Variants in ANO10 observed in about 807,000 individuals in gnomAD.
ANO10 encodes anoctamin 10.
In ANO10, 77 loss-of-function variants were observed where a neutral mutation model predicts 74.7. The observed-to-expected ratio is 1.03, with a 90% confidence interval of 0.86 to 1.25. The LOEUF (loss-of-function observed/expected upper bound fraction) is 1.25, where lower values mean the gene tolerates loss of function less well. Among genes scored for constraint, ANO10 ranks in the 50% most tolerant of loss-of-function variants. The pLI, the probability that ANO10 is intolerant of heterozygous loss-of-function variation, is 0.00. For missense variants in ANO10, 721 were observed against 778.1 expected (o/e 0.93, Z 0.87); for synonymous variants, 279 against 284.9 (o/e 0.98, Z 0.21).
intron 11 of ANO10, among the ~76,000 whole-genome samples, chr3:43,440,519 G>GT (rs35838710): frequency 0.021 from 3,225 of 152,198 alleles, 51 homozygotes; most frequent in Non-Finnish European, 0.033. Flanking sequence ...AATTATAATT[G>GT]TATATGCATC....
At position 43,366,623 on chromosome 3, in the gene ANO10, C is replaced by A; in HGVS notation, c.*283G>T. 1.9e-6 allele frequency: 1 copy of A among 520,816 alleles called. No homozygotes were observed. Among genetic ancestry groups the A allele is most frequent in the Non-Finnish European group, 3.5e-6 (1 of 286,822 alleles). The allele number at this position is 520,816 out of a possible 1,614,324, so 32.3% of individuals were successfully genotyped here. ...CTCATGGTGAGAGGCTCAAGGGCGGCAGTGGCTCTGCAGCAAAGTTGGCAG... is the reference window on the plus strand; with the variant it reads ...CTCATGGTGAGAGGCTCAAGGGCGGAAGTGGCTCTGCAGCAAAGTTGGCAG... On this transcript the variant is annotated 3_prime_UTR_variant, in exon 13 of 13. Transcript: ENST00000292246.
chr3:43,421,860 G>A (rs1202980015), intron 12 of ANO10, among the ~76,000 whole-genome samples: 1 of 151,642 alleles, frequency 6.6e-6, no homozygotes. Context: ...TTTTTTTATT[G>A]TGGTAAAATA....
At chr3:43,469,609 T>C (rs1011671180) in intron 11 of ANO10, among the ~76,000 whole-genome samples, 3 of 152,170 alleles carry the variant, frequency 2.0e-5, no homozygotes, top group Non-Finnish European at 2.9e-5. Context: ...AAACAAGAGA[T>C]GCATGGTGGT....
chr3:43,674,387 T>C (rs1334958581), intron 1 of ANO10, among the ~76,000 whole-genome samples: 1 of 152,092 alleles, frequency 6.6e-6, no homozygotes, highest in Non-Finnish European at 1.5e-5. Context: ...TAGCCTCAAG[T>C]ATTCTTCCTG....
rs371985258 is a variant in ANO10, at chr3:43,469,038, C to CTTTTTTTTTTT, written c.1798-36322_1798-36312dup. 4.3e-5 allele frequency among the ~76,000 whole-genome samples: 3 copies of CTTTTTTTTTTT among 70,338 alleles called. 1 individual carries two copies. Among genetic ancestry groups the CTTTTTTTTTTT allele is most frequent in the Admixed American group, 4.8e-4 (2 of 4,194 alleles). 46.1% of individuals were successfully genotyped at this position (70,338 alleles called of 152,430 possible). ...TTTTCAATCCTACATCAATTAGCTG[C>CTTTTTTTTTTT]TTTTTTTTTTTTTTTTTTTTTTGAG... On this transcript the variant is annotated intron_variant, in intron 11 of 12. Transcript: ENST00000292246.
intron 11 of ANO10, among the ~76,000 whole-genome samples, chr3:43,433,199 G>A (rs1290428355): frequency 6.6e-6 from 1 of 151,748 alleles, no homozygotes; most frequent in Non-Finnish European, 1.5e-5. Context: ...CACCCACCTT[G>A]GCCTCCCAAA....
intron 1 of ANO10, among the ~76,000 whole-genome samples, chr3:43,615,450 G>T (rs1246914281): frequency 1.3e-5 from 2 of 151,818 alleles, no homozygotes. Flanking sequence ...TTCTTCCTAG[G>T]TAGTAGCATT....
intron 1 of ANO10, among the ~76,000 whole-genome samples, chr3:43,612,180 A>ATC (rs2082865482): frequency 8.0e-6 from 1 of 124,566 alleles, no homozygotes; most frequent in East Asian, 2.4e-4. Flanking sequence ...ATATATATAT[A>ATC]TATATGCCCA....
intron 7 of ANO10, among the ~76,000 whole-genome samples, chr3:43,567,037 C>T (rs1311979310): frequency 6.6e-6 from 1 of 152,076 alleles, no homozygotes; most frequent in Non-Finnish European, 1.5e-5. Flanking sequence ...GTGAAGAATG[C>T]AGAAGCCTCA....
At chr3:43,620,183 A>T (rs2083315108) in intron 1 of ANO10, among the ~76,000 whole-genome samples, 1 of 152,152 alleles carries the variant, frequency 6.6e-6, no homozygotes, top group Non-Finnish European at 1.5e-5. Context: ...TCTAATATTT[A>T]AAAAAAGAAT....
At chr3:43,485,423 C>G (rs968614237) in intron 11 of ANO10, among the ~76,000 whole-genome samples, 1 of 152,164 alleles carries the variant, frequency 6.6e-6, no homozygotes, top group Non-Finnish European at 1.5e-5. Flanking sequence ...TGTCCTAATC[C>G]AGCTCAACAC....
chr3:43,625,777 G>A (rs188189730), upstream of ANO10, among the ~76,000 whole-genome samples: 71 of 152,064 alleles, frequency 4.7e-4, no homozygotes, highest in Non-Finnish European at 8.2e-4. Context: ...AGTTTGTCAC[G>A]TCCTTTGATT....
At chr3:43,606,623 G>A (rs1292588633) in intron 1 of ANO10, among the ~76,000 whole-genome samples, 1 of 151,008 alleles carries the variant, frequency 6.6e-6, no homozygotes, top group Non-Finnish European at 1.5e-5. Context: ...TATAGAAGCA[G>A]ACAACTGGAC....
At chr3:43,471,132 A>G (rs982842334) in intron 11 of ANO10, among the ~76,000 whole-genome samples, 1 of 152,172 alleles carries the variant, frequency 6.6e-6, no homozygotes, top group Non-Finnish European at 1.5e-5. Flanking sequence ...CTTACATAAC[A>G]CTGCTGTGGT....
chr3:43,650,411 C>T (rs1484358355), intron 1 of ANO10, among the ~76,000 whole-genome samples: 1 of 151,950 alleles, frequency 6.6e-6, no homozygotes, highest in East Asian at 1.9e-4. Context: ...AGTTACTGAG[C>T]AAAATGATCA....
At chr3:43,606,061 C>T (rs1005048006) in intron 1 of ANO10, among the ~76,000 whole-genome samples, 198 bp from the exon 2 acceptor site, 7 of 152,148 alleles carry the variant, frequency 4.6e-5, no homozygotes, top group Non-Finnish European at 7.3e-5. Flanking sequence ...TTGGAAAGAA[C>T]GCCATCCTTT....
intron 11 of ANO10, among the ~76,000 whole-genome samples, chr3:43,530,726 T>C (rs2078428628): frequency 6.6e-6 from 1 of 152,206 alleles, no homozygotes; most frequent in Non-Finnish European, 1.5e-5. Context: ...TTGTTGTTAA[T>C]ATCTTACTGT....
At chr3:43,400,082 G>T (rs2092451857) in intron 12 of ANO10, among the ~76,000 whole-genome samples, 1 of 152,076 alleles carries the variant, frequency 6.6e-6, no homozygotes, top group Admixed American at 6.6e-5. Flanking sequence ...TTCCTATTCT[G>T]CTTTCTATGT....
upstream of ANO10, among the ~76,000 whole-genome samples, chr3:43,622,474 A>C (rs898885333): frequency 3.9e-5 from 6 of 152,162 alleles, no homozygotes; most frequent in African/African-American, 1.2e-4. Context: ...AAAGACCAGA[A>C]CCTAATTTTC....
Sources: gnomAD v4.1 joint callset for allele counts (sites outside exome capture counted in the v4.1 genomes callset) on GRCh38, gnomAD v4.1.1 for gene constraint, MANE v1.5 for transcripts, NCBI Gene and HGNC (gene_info 2026-07-23, HGNC 2026-07-21) for gene names.